SLC24A2: variants seen among roughly 807,000 people sequenced by gnomAD.
SLC24A2 encodes the protein solute carrier family 24 member 2, also known as sodium/potassium/calcium exchanger 2.
In SLC24A2, 36 loss-of-function variants were observed where a neutral mutation model predicts 62.0. That is an observed-to-expected ratio of 0.58 (90% CI 0.44 to 0.77). SLC24A2 has a LOEUF of 0.77. Ranked by LOEUF, SLC24A2 falls within the 30% of genes least tolerant of loss-of-function variation. The pLI is 0.00. For synonymous variants in SLC24A2, 358 were observed against 294.0 expected (o/e 1.22, Z -2.23); for missense variants, 846 against 817.9 (o/e 1.03, Z -0.42).
At chr9:19,761,793 C>A (rs1822340378) in intron 2 of SLC24A2, among the ~76,000 whole-genome samples, 1 of 152,102 alleles carries the variant, frequency 6.6e-6, no homozygotes, top group African/African-American at 2.4e-5. Context: ...CATCCACGTC[C>A]CTACAAAGGA....
chr9:19,566,266 C>G (rs969039526), intron 7 of SLC24A2, among the ~76,000 whole-genome samples: 3 of 149,222 alleles, frequency 2.0e-5, no homozygotes, highest in African/African-American at 7.4e-5. Context: ...AACAAATTTA[C>G]AAGAAAAAAA....
At chr9:19,901,761 T>C in the SLC24A2 span, among the ~76,000 whole-genome samples, 7 of 152,048 alleles carry the variant, frequency 4.6e-5, no homozygotes, top group African/African-American at 1.7e-4. Flanking sequence ...CCAGAACTAG[T>C]CTGTGGTTGG....
At chr9:19,747,616 C>G (rs892404385) in intron 2 of SLC24A2, among the ~76,000 whole-genome samples, 14 of 152,246 alleles carry the variant, frequency 9.2e-5, no homozygotes, top group Admixed American at 2.6e-4. Flanking sequence ...AGAGATTAGC[C>G]AAAGGAAATT....
At chr9:20,245,780 A>C in the SLC24A2 span, among the ~76,000 whole-genome samples, 6 of 152,222 alleles carry the variant, frequency 3.9e-5, no homozygotes, top group Non-Finnish European at 8.8e-5. Context: ...TCAGAAGAGC[A>C]CTTGGCTAAA....
At chr9:20,101,729 C>A in the SLC24A2 span, among the ~76,000 whole-genome samples, 1 of 151,766 alleles carries the variant, frequency 6.6e-6, no homozygotes, top group African/African-American at 2.4e-5. Flanking sequence ...GGTATCAACT[C>A]AGGTCTGAAA....
the SLC24A2 span, among the ~76,000 whole-genome samples, chr9:19,898,177 A>G: frequency 1.3e-5 from 2 of 152,278 alleles, 1 homozygote; most frequent in South Asian, 4.1e-4. Context: ...TAGCATGTCT[A>G]GCTGCCCCCT....
chr9:19,584,514 T>C (rs1267899642), intron 5 of SLC24A2, among the ~76,000 whole-genome samples: 2 of 152,174 alleles, frequency 1.3e-5, no homozygotes, highest in African/African-American at 4.8e-5. Context: ...CCACAAGAGA[T>C]GCCACCTAGC....
At chr9:19,792,742 T>A (rs190006354), upstream of SLC24A2, among the ~76,000 whole-genome samples, 4 of 151,644 alleles carry the variant, frequency 2.6e-5, no homozygotes, top group African/African-American at 9.7e-5. Context: ...AGTCAGAAAG[T>A]TGTGGGCAAC....
chr9:19,806,246 A>C, the SLC24A2 span, among the ~76,000 whole-genome samples: 1 of 152,188 alleles, frequency 6.6e-6, no homozygotes, highest in Non-Finnish European at 1.5e-5. Flanking sequence ...CCCGCAGATC[A>C]GGCATCGGGA....
chr9:19,803,242 T>TAA, the SLC24A2 span, among the ~76,000 whole-genome samples: 6 of 152,216 alleles, frequency 3.9e-5, no homozygotes, highest in African/African-American at 1.4e-4. Context: ...TTGGAAAACA[T>TAA]AAGACAGTAA....
chr9:19,860,842 G>T, the SLC24A2 span, among the ~76,000 whole-genome samples: 5 of 152,144 alleles, frequency 3.3e-5, no homozygotes, highest in African/African-American at 9.7e-5. Flanking sequence ...GTGGCCTGAA[G>T]GTGAGACTTT....
intron 7 of SLC24A2, among the ~76,000 whole-genome samples, chr9:19,561,563 T>C (rs1835405243): frequency 6.6e-6 from 1 of 150,742 alleles, no homozygotes; most frequent in Non-Finnish European, 1.5e-5. Flanking sequence ...GCCTCCCGAG[T>C]AGCTGGGACT....
the SLC24A2 span, among the ~76,000 whole-genome samples, chr9:20,100,227 T>A: frequency 6.6e-6 from 1 of 151,978 alleles, no homozygotes; most frequent in Non-Finnish European, 1.5e-5. Flanking sequence ...TTTTGTTTTG[T>A]TTTGTTTTGT....
At chr9:20,131,376 C>A in the SLC24A2 span, among the ~76,000 whole-genome samples, 1 of 152,186 alleles carries the variant, frequency 6.6e-6, no homozygotes, top group East Asian at 1.9e-4. Context: ...GACACAGAAT[C>A]CAAAGTAGAC....
At chr9:20,264,225 G>T in the SLC24A2 span, among the ~76,000 whole-genome samples, 5 of 152,176 alleles carry the variant, frequency 3.3e-5, no homozygotes. Flanking sequence ...CTGCACCTCA[G>T]TTTCCACACC....
chr9:20,044,910 C>T, the SLC24A2 span, among the ~76,000 whole-genome samples: 16 of 152,154 alleles, frequency 1.1e-4, no homozygotes, highest in South Asian at 4.2e-4. Context: ...ATGACTTACA[C>T]AGGTTACATC....
chr9:20,164,354 T>C, the SLC24A2 span, among the ~76,000 whole-genome samples: 4 of 152,134 alleles, frequency 2.6e-5, no homozygotes, highest in African/African-American at 9.7e-5. Flanking sequence ...AAAGAAGACA[T>C]TTATGCAGCG....
chr9:20,276,372 C>T, the SLC24A2 span, among the ~76,000 whole-genome samples: 1 of 152,228 alleles, frequency 6.6e-6, no homozygotes, highest in Non-Finnish European at 1.5e-5. Flanking sequence ...AAATGATCTC[C>T]TTTGACTCCA....
intron 2 of SLC24A2, among the ~76,000 whole-genome samples, chr9:19,746,473 C>G (rs1307170305): frequency 6.6e-6 from 1 of 152,020 alleles, no homozygotes; most frequent in Non-Finnish European, 1.5e-5. Context: ...CTCATGGTGA[C>G]TAACTGTAAT....
Sources: allele counts gnomAD v4.1 joint callset (sites outside exome capture counted in the v4.1 genomes callset), GRCh38; gene constraint gnomAD v4.1.1; transcripts MANE v1.5; gene names NCBI Gene and HGNC (gene_info 2026-07-23, HGNC 2026-07-21).